RGS17: variants seen among roughly 807,000 people sequenced by gnomAD.
RGS17 encodes the protein regulator of G protein signaling 17, also known as regulator of G-protein signaling 17.
RGS17 carries 12 observed loss-of-function variants against 25.5 expected under a neutral mutation model. That is an observed-to-expected ratio of 0.47 (90% CI 0.30 to 0.76). RGS17 has a LOEUF of 0.76. Ranked by LOEUF, RGS17 falls within the 30% of genes least tolerant of loss-of-function variation. The pLI is 0.07. For missense variants in RGS17, 196 were observed against 242.2 expected, an observed-to-expected ratio of 0.81 and a Z score of 1.27; for synonymous variants, 71 against 76.9, an observed-to-expected ratio of 0.92 and a Z score of 0.40.
chr6:153,095,877 AAC>A (rs1252665629), intron 1 of RGS17, among the ~76,000 whole-genome samples: 7 of 152,206 alleles, frequency 4.6e-5, no homozygotes, highest in African/African-American at 7.2e-5. Context: ...AGCTTTCTAA[AAC>A]ACACAGTTTG....
At chr6:153,036,494 T>G (rs1203252744) in intron 2 of RGS17, among the ~76,000 whole-genome samples, 1 of 152,196 alleles carries the variant, frequency 6.6e-6, no homozygotes, top group Non-Finnish European at 1.5e-5. Context: ...CCTGGAATAC[T>G]CACCAGGGCG....
At chr6:153,056,859 TGTGTGTGTGTGTGTG>T (rs1776568375) in intron 1 of RGS17, among the ~76,000 whole-genome samples, 1 of 151,462 alleles carries the variant, frequency 6.6e-6, no homozygotes, top group African/African-American at 2.4e-5. Flanking sequence ...TGTGTGTGTG[TGTGTGTGTGTGTGTG>T]TGTGTGTGTT....
intron 1 of RGS17, among the ~76,000 whole-genome samples, chr6:153,049,732 CAG>C (rs1776437334): frequency 6.7e-6 from 1 of 149,680 alleles, no homozygotes; most frequent in East Asian, 2.0e-4. Context: ...GCCTGGGCAA[CAG>C]AGTGAGACTC....
chr6:153,037,344 C>T (rs1437293570), intron 2 of RGS17, among the ~76,000 whole-genome samples: 1 of 151,976 alleles, frequency 6.6e-6, no homozygotes, highest in African/African-American at 2.4e-5. Flanking sequence ...GCTCAATTGG[C>T]AAATCCAAAT....
rs768448472 is a variant in RGS17 at position 153,027,589 on chromosome 6, A to AT, written c.120-1047dup. ...AAAATAAGAAGCAATGGAAATGATG[A>AT]TTTTCTAGTGCCTGTTATGTGCTGG... On this transcript the variant is annotated intron_variant, in intron 2 of 4. Coordinates refer to ENST00000206262, the MANE Select transcript of RGS17 (RefSeq NM_012419.5). Among the ~76,000 whole-genome samples, 5 of 152,204 alleles carry AT rather than the reference A, an allele frequency of 3.3e-5. No individual in the cohort carries two copies. In the East Asian group the frequency reaches 9.7e-4, roughly 29 times the overall value.
intron 1 of RGS17, among the ~76,000 whole-genome samples, chr6:153,091,496 G>A (rs1584152735): frequency 2.7e-5 from 4 of 147,594 alleles, no homozygotes; most frequent in South Asian, 4.2e-4. Flanking sequence ...TTTTTGAGAC[G>A]GAGTCTCACT....
chr6:153,119,618 G>C (rs1046363202), intron 1 of RGS17, among the ~76,000 whole-genome samples: 1 of 152,038 alleles, frequency 6.6e-6, no homozygotes, highest in East Asian at 1.9e-4. Context: ...GCTTGAACCC[G>C]GGAGGTGGAG....
chr6:153,074,533 C>T (rs967064791), intron 1 of RGS17, among the ~76,000 whole-genome samples: 7 of 152,170 alleles, frequency 4.6e-5, no homozygotes, highest in African/African-American at 1.4e-4. Flanking sequence ...TGTTGGAAAT[C>T]GCTGGAACTC....
intron 1 of RGS17, among the ~76,000 whole-genome samples, chr6:153,119,509 G>C (rs936480602): frequency 1.2e-4 from 18 of 152,108 alleles, no homozygotes; most frequent in Non-Finnish European, 2.1e-4. Flanking sequence ...GACCAACCTG[G>C]TGAAACCCTG....
chr6:153,122,260 C>T (rs1777643502), intron 1 of RGS17, among the ~76,000 whole-genome samples: 1 of 152,056 alleles, frequency 6.6e-6, no homozygotes, highest in African/African-American at 2.4e-5. Flanking sequence ...GGGAAACATA[C>T]ATATATGCAT....
At chr6:153,069,505 G>GA (rs1554239799) in intron 1 of RGS17, among the ~76,000 whole-genome samples, 1 of 151,378 alleles carries the variant, frequency 6.6e-6, no homozygotes, top group South Asian at 2.1e-4. Flanking sequence ...ATAATGGGTG[G>GA]AAAAAAAATA....
chr6:153,011,745 T>G lies in RGS17; in HGVS notation c.462A>C (p.Arg154=). 6.2e-7 allele frequency: 1 copy of G among 1,606,942 alleles called. No homozygotes were observed. The highest frequency in any genetic ancestry group is 8.5e-7 in the Non-Finnish European group (1 of 1,177,990). ...GATTTCTATTGATCACCTCTCTAAC[T>G]CGAGAATCAAGACTGACCTAAAAAG... ...LSPKEVSLDS[R]VREVINRNLL... is the part of the protein sequence containing the mutation. The change falls in exon 5 of 5, where the codon CGA becomes CGC. Residue 154 remains arginine, a synonymous_variant. Transcript: ENST00000206262.
At position 153,094,970 on chromosome 6, in the gene RGS17, TA is replaced by T. The variant is rs777535701; in HGVS notation, c.-26+36153del. On this transcript the variant is annotated intron_variant, in intron 1 of 4. Transcript: ENST00000206262. The stretch of plus-strand genomic sequence containing the variant: ...TTGTGATTAACATAATCTTCATACA[TA>T]AAAGAAGATAAATACTTGTCTCCAA... Among the ~76,000 whole-genome samples, 49 of 152,228 alleles carry T rather than the reference TA, an allele frequency of 3.2e-4. 8 individuals are homozygous for T. The highest frequency in any genetic ancestry group is 2.1e-3 in the Admixed American group (32 of 15,290).
intron 2 of RGS17, among the ~76,000 whole-genome samples, chr6:153,038,034 A>G (rs918888287): frequency 3.3e-5 from 5 of 152,182 alleles, no homozygotes; most frequent in Non-Finnish European, 5.9e-5. Context: ...AAGCTCCGGT[A>G]CATCCTGGCC....
chr6:153,077,397 T>C (rs1211269187), intron 1 of RGS17, among the ~76,000 whole-genome samples: 6 of 152,162 alleles, frequency 3.9e-5, no homozygotes, highest in Non-Finnish European at 7.3e-5. Flanking sequence ...CTCTGGATAT[T>C]AGATGAGACT....
At chr6:153,011,827 T>A (rs983032450) in intron 4 of RGS17, 65 bp from the exon 5 acceptor site, 18 of 1,175,650 alleles carry the variant, frequency 1.5e-5, no homozygotes, top group Non-Finnish European at 2.0e-5. Flanking sequence ...ATTAAGTAAC[T>A]GTAGGTTTGT....
intron 1 of RGS17, among the ~76,000 whole-genome samples, chr6:153,121,156 G>A (rs1452938951): frequency 6.6e-6 from 1 of 151,680 alleles, no homozygotes; most frequent in African/African-American, 2.4e-5. Context: ...AAACAGAAGA[G>A]GTAAAACTGA....
intron 2 of RGS17, among the ~76,000 whole-genome samples, chr6:153,027,757 C>G (rs2129107332): frequency 6.6e-6 from 1 of 152,236 alleles, no homozygotes; most frequent in Admixed American, 6.5e-5. Context: ...TGTTCAACAA[C>G]CCTGTATTTC....
At position 153,006,317 on chromosome 6, in the gene RGS17, C is replaced by T. The variant is rs1397030137; in HGVS notation, c.*5257G>A. ...GCAAGTAATTTGATATTATTTCTGT[C>T]CTTGGGAATGTTGTTTTATTTCCTT... On this transcript the variant is annotated 3_prime_UTR_variant, in exon 5 of 5. Coordinates refer to ENST00000206262, the MANE Select transcript of RGS17 (RefSeq NM_012419.5). The T allele has an allele frequency of 6.6e-6, 1 of 152,412 alleles. No homozygotes were observed. Among genetic ancestry groups the T allele is most frequent in the African/African-American group, 2.4e-5 (1 of 41,378 alleles). The allele number at this position is 152,412 out of a possible 1,614,324, so 9.4% of individuals were successfully genotyped here.
Sources: allele counts gnomAD v4.1 joint callset (sites outside exome capture counted in the v4.1 genomes callset), GRCh38; gene constraint gnomAD v4.1.1; transcripts MANE v1.5; gene names NCBI Gene and HGNC (gene_info 2026-07-23, HGNC 2026-07-21).